Variants in AZIN2 observed in about 807,000 individuals in gnomAD.
The protein encoded by AZIN2 is antizyme inhibitor 2, also known as ODC antizyme inhibitor-2.
A neutral mutation model predicts 47.8 loss-of-function variants in AZIN2; 28 were observed. That is an observed-to-expected ratio of 0.59 (90% CI 0.43 to 0.80). The LOEUF (loss-of-function observed/expected upper bound fraction) is 0.80. AZIN2 is among the 30% of genes least tolerant of loss of function. The pLI, the probability that AZIN2 is intolerant of heterozygous loss-of-function variation, is 0.00. For missense variants in AZIN2, 535 were observed against 582.5 expected, an observed-to-expected ratio of 0.92 and a Z score of 0.84; for synonymous variants, 221 against 239.4, an observed-to-expected ratio of 0.92 and a Z score of 0.71.
At chr1:33,145,788 G>C in the AZIN2 span, 3 of 460,286 alleles carry the variant, frequency 6.5e-6, no homozygotes, top group African/African-American at 6.0e-5. Context: ...ACCCTCTCCC[G>C]AGTTCTTCAC....
At chr1:33,084,762 T>A (rs1049108746) in intron 5 of AZIN2, among the ~76,000 whole-genome samples, 1 of 152,054 alleles carries the variant, frequency 6.6e-6, no homozygotes, top group Non-Finnish European at 1.5e-5. Context: ...CGTACCTGGC[T>A]AATTTTTTGG....
chr1:33,085,841 T>A (rs1641830703), intron 5 of AZIN2, among the ~76,000 whole-genome samples: 1 of 152,190 alleles, frequency 6.6e-6, no homozygotes, highest in South Asian at 2.1e-4. Flanking sequence ...GTTCTACAGT[T>A]GAGGAAACCA....
the AZIN2 span, among the ~76,000 whole-genome samples, chr1:33,149,466 A>G: frequency 1.3e-5 from 2 of 150,738 alleles, 1 homozygote; most frequent in East Asian, 4.0e-4. Context: ...TTTAAAAAAA[A>G]AAAATACAGA....
chr1:33,115,241 A>T (rs1399749842), intron 10 of AZIN2, among the ~76,000 whole-genome samples: 3 of 152,160 alleles, frequency 2.0e-5, no homozygotes, highest in African/African-American at 7.2e-5. Flanking sequence ...TATGCTTTGT[A>T]AATGAGGAAC....
the AZIN2 span, chr1:33,164,235 C>G: frequency 6.6e-6 from 1 of 152,450 alleles, no homozygotes; most frequent in East Asian, 1.9e-4. Context: ...CCTGAGACCC[C>G]ACAGTGGGTT....
intron 8 of AZIN2, among the ~76,000 whole-genome samples, chr1:33,096,143 T>C (rs1393661262): frequency 1.3e-5 from 2 of 152,116 alleles, no homozygotes; most frequent in Admixed American, 1.3e-4. Flanking sequence ...TGGCCAGAAA[T>C]AAAATATTAT....
At chr1:33,105,786 C>T (rs1643974040) in intron 10 of AZIN2, among the ~76,000 whole-genome samples, 1 of 152,170 alleles carries the variant, frequency 6.6e-6, no homozygotes, top group Admixed American at 6.5e-5. Context: ...GAGCACTTCA[C>T]AAATGCAAGA....
the AZIN2 span, chr1:33,147,675 C>A: frequency 1.9e-6 from 3 of 1,613,776 alleles, no homozygotes; most frequent in Non-Finnish European, 2.5e-6. The surrounding 1 kb of genome is among the most constrained non-coding windows in gnomAD (Gnocchi z 8.1). Flanking sequence ...AGTCGTCCGA[C>A]AGGATCAGGC....
At chr1:33,102,118 C>G (rs1643750687) in intron 10 of AZIN2, among the ~76,000 whole-genome samples, 1 of 152,180 alleles carries the variant, frequency 6.6e-6, no homozygotes, top group Non-Finnish European at 1.5e-5. Context: ...ACAATCCCAC[C>G]AGCAGTGTGT....
intron 10 of AZIN2, among the ~76,000 whole-genome samples, chr1:33,115,664 C>T (rs1159113771): frequency 6.6e-6 from 1 of 152,128 alleles, no homozygotes; most frequent in Non-Finnish European, 1.5e-5. Context: ...GATCACACCA[C>T]TACACTCCAG....
At chr1:33,166,716 T>A in the AZIN2 span, among the ~76,000 whole-genome samples, 1 of 152,158 alleles carries the variant, frequency 6.6e-6, no homozygotes, top group South Asian at 2.1e-4. Context: ...TTTTCTACCA[T>A]GATGACTCCT....
At chr1:33,119,988 A>T in intron 11 of AZIN2, 56 bp from the exon 12 acceptor site, 1 of 1,608,664 alleles carries the variant, frequency 6.2e-7, no homozygotes, top group Non-Finnish European at 8.5e-7. Context: ...GTCTCCAGGT[A>T]CAGGGCCCTG....
At chr1:33,127,498 C>G (rs1444537063), downstream of AZIN2, among the ~76,000 whole-genome samples, 3 of 152,216 alleles carry the variant, frequency 2.0e-5, no homozygotes, top group Non-Finnish European at 2.9e-5. Context: ...TCGCCGAGGG[C>G]GGGGCTCTCA....
rs766774830 is a variant in AZIN2 at position 33,120,081 on chromosome 1, G to A, written c.1282G>A (p.Glu428Lys). 1.2e-6 allele frequency: 2 copies of A among 1,613,914 alleles called. No individual in the cohort carries two copies. The highest frequency in any genetic ancestry group is 2.2e-5 in the East Asian group (1 of 44,882). Residue 428 changes from glutamate to lysine, a missense_variant, in exon 12 of 12, where the codon GAG (glutamate) becomes AAG (lysine). Transcript: ENST00000294517. ...LRRQLMAAEQ[E>K]DDVEGVCKPL... ...AAGGCAGCTGATGGCTGCAGAACAG[G>A]AGGATGACGTGGAGGGTGTGTGCAA... is the stretch of plus-strand genomic sequence containing the variant.
chr1:33,089,453 T>A (rs1047076208), intron 5 of AZIN2, among the ~76,000 whole-genome samples: 16 of 151,532 alleles, frequency 1.1e-4, no homozygotes, highest in Admixed American at 2.0e-4. Flanking sequence ...TATATATATT[T>A]AAAAAAAAAT....
At chr1:33,163,799 T>A in the AZIN2 span, 2 of 152,160 alleles carry the variant, frequency 1.3e-5, no homozygotes, top group East Asian at 3.9e-4. Flanking sequence ...AGGCACCAGG[T>A]GAAATATGAC....
At chr1:33,117,378 A>G (rs1293470016) in intron 10 of AZIN2, among the ~76,000 whole-genome samples, 1 of 152,174 alleles carries the variant, frequency 6.6e-6, no homozygotes, top group African/African-American at 2.4e-5. Flanking sequence ...GGCTCAGAAG[A>G]CAGGCTAGAT....
At chr1:33,124,029 G>C (rs1207102055), downstream of AZIN2, among the ~76,000 whole-genome samples, 7 of 151,922 alleles carry the variant, frequency 4.6e-5, no homozygotes. This position sits in a 1 kb window ranked among gnomAD's most constrained non-coding sequence, Gnocchi z 4.6. Context: ...AGCCAGGCAT[G>C]GTGGCGTGCA....
intron 10 of AZIN2, among the ~76,000 whole-genome samples, chr1:33,111,667 GCTCGGCTCACTGCAAC>G: frequency 6.6e-6 from 1 of 151,542 alleles, no homozygotes; most frequent in South Asian, 2.1e-4. Context: ...GAGTGCAGTG[GCTCGGCTCACTGCAAC>G]CTCTGCCTCC....
Sources: gnomAD v4.1 joint callset for allele counts (sites outside exome capture counted in the v4.1 genomes callset) on GRCh38, gnomAD v4.1.1 for gene constraint, Gnocchi (gnomAD v3.1) non-coding constraint, MANE v1.5 for transcripts, NCBI Gene and HGNC (gene_info 2026-07-23, HGNC 2026-07-21) for gene names.